Variants in PHF20 observed in about 807,000 individuals in gnomAD.
PHF20 encodes the protein PHD finger protein 20, also known as glioma-expressed antigen 2.
In PHF20, 23 loss-of-function variants were observed where a neutral mutation model predicts 113.5. The ratio of observed to expected loss-of-function variants is 0.20; its 90% confidence interval spans 0.15 to 0.29. PHF20 has a LOEUF of 0.29. Among genes scored for constraint, PHF20 ranks in the 10% least tolerant of loss-of-function variants. The probability of loss-of-function intolerance (pLI) is 1.00; values close to 1 mark genes in which losing one functional copy is unlikely to be tolerated. For synonymous variants in PHF20, 434 were observed against 457.3 expected, an observed-to-expected ratio of 0.95 and a Z score of 0.65; for missense variants, 943 against 1,219.6, an observed-to-expected ratio of 0.77 and a Z score of 3.38.
At chr20:35,829,200 G>A (rs1173849979) in intron 2 of PHF20, among the ~76,000 whole-genome samples, 1 of 152,148 alleles carries the variant, frequency 6.6e-6, no homozygotes, top group African/African-American at 2.4e-5. Context: ...AAGCAGCAGT[G>A]CTTTGTGTAT....
chr20:35,868,029 C>G (rs910966606), intron 6 of PHF20, among the ~76,000 whole-genome samples: 8 of 152,108 alleles, frequency 5.3e-5, no homozygotes, highest in African/African-American at 1.9e-4. Flanking sequence ...CATGGTGGCT[C>G]ACGCCTGTAA....
chr20:35,814,741 C>T (rs1343604546), intron 2 of PHF20, among the ~76,000 whole-genome samples: 1 of 146,964 alleles, frequency 6.8e-6, no homozygotes, highest in Non-Finnish European at 1.5e-5. Context: ...GGCGTAGTGG[C>T]GGGTGCCTGT....
chr20:35,800,940 C>T (rs2041769501), intron 1 of PHF20, among the ~76,000 whole-genome samples: 1 of 152,134 alleles, frequency 6.6e-6, no homozygotes, highest in African/African-American at 2.4e-5. Flanking sequence ...AACAACTTGG[C>T]TCTGCCTTCC....
At chr20:35,780,794 A>T (rs1330048993) in intron 1 of PHF20, among the ~76,000 whole-genome samples, 1 of 141,246 alleles carries the variant, frequency 7.1e-6, no homozygotes, top group Non-Finnish European at 1.5e-5. Context: ...ATGATCCACC[A>T]GCCTTGGCCT....
At chr20:35,928,023 T>C (rs2147108724) in intron 14 of PHF20, 144 bp downstream of exon 14, 1 of 666,338 alleles carries the variant, frequency 1.5e-6, no homozygotes, top group South Asian at 1.7e-5. Context: ...CCTCTGTTGC[T>C]ATCCTGCCTT....
chr20:35,884,691 C>T (rs924751018), intron 9 of PHF20, among the ~76,000 whole-genome samples: 11 of 151,990 alleles, frequency 7.2e-5, no homozygotes, highest in African/African-American at 2.7e-4. Context: ...AAAAGAATGA[C>T]AAAAAATAAT....
intron 9 of PHF20, among the ~76,000 whole-genome samples, chr20:35,896,175 T>G (rs894020493): frequency 2.0e-5 from 3 of 151,976 alleles, no homozygotes; most frequent in African/African-American, 7.3e-5. Flanking sequence ...CCAAACCTAA[T>G]TTTGAAGTGT....
intron 9 of PHF20, among the ~76,000 whole-genome samples, chr20:35,876,845 G>A (rs1457793849): frequency 6.6e-6 from 1 of 151,998 alleles, no homozygotes; most frequent in Non-Finnish European, 1.5e-5. Context: ...AGTGTCTCAT[G>A]CCTGTAATCC....
intron 1 of PHF20, among the ~76,000 whole-genome samples, chr20:35,772,515 A>C (rs1402006042): frequency 6.6e-6 from 1 of 152,126 alleles, no homozygotes; most frequent in East Asian, 1.9e-4. Context: ...GGCTTTTTTT[A>C]TCCTATTCTG....
intron 3 of PHF20, among the ~76,000 whole-genome samples, chr20:35,844,541 C>T (rs6142451): frequency 1.9e-5 from 2 of 103,992 alleles, no homozygotes; most frequent in African/African-American, 7.1e-5. Context: ...TCTTCACCAT[C>T]ACCACACACA....
chr20:35,937,250 C>T (rs758546771), intron 15 of PHF20, among the ~76,000 whole-genome samples: 13 of 152,064 alleles, frequency 8.5e-5, no homozygotes, highest in Non-Finnish European at 1.8e-4. Context: ...GGGCGGATCA[C>T]CTGAGGTTGG....
At chr20:35,870,009 A>T (rs2054389344) in intron 7 of PHF20, among the ~76,000 whole-genome samples, 1 of 152,032 alleles carries the variant, frequency 6.6e-6, no homozygotes, top group Non-Finnish European at 1.5e-5. Flanking sequence ...AAAATATAAA[A>T]ATTAGCCGGG....
At chr20:35,903,196 A>G (rs1370849788) in intron 10 of PHF20, among the ~76,000 whole-genome samples, 4 of 149,226 alleles carry the variant, frequency 2.7e-5, no homozygotes, top group Non-Finnish European at 5.9e-5. Context: ...ATCCTTTTCA[A>G]TGGGATTTGG....
At position 35,772,052 on chromosome 20, in the gene PHF20, A is replaced by G. The variant is rs1390590240; in HGVS notation, c.-60A>G. 5 of 151,282 alleles carry G rather than the reference A, an allele frequency of 3.3e-5. No individual in the cohort carries two copies. Among genetic ancestry groups the G allele is most frequent in the Non-Finnish European group, 5.9e-5 (4 of 67,840 alleles). 9.4% of individuals were successfully genotyped at this position (151,282 alleles called of 1,614,324 possible). A position where few individuals can be genotyped will look rare whatever the true frequency, so the allele number is the denominator to read the frequency against. Reference sequence around the variant, plus strand: ...GAGTCCTTCTGTCGGTTGGTCCTGGAGCGGCGCAGCCGGAGTGGGGCCGTG... The same window carrying G: ...GAGTCCTTCTGTCGGTTGGTCCTGGGGCGGCGCAGCCGGAGTGGGGCCGTG... On this transcript the variant is annotated 5_prime_UTR_variant, in exon 1 of 18. Transcript: ENST00000374012.
intron 13 of PHF20, among the ~76,000 whole-genome samples, chr20:35,925,799 A>G (rs528344446): frequency 1.3e-5 from 2 of 151,978 alleles, no homozygotes; most frequent in Admixed American, 1.3e-4. Context: ...ATTTAAAGGA[A>G]TAATGTGTTT....
intron 1 of PHF20, among the ~76,000 whole-genome samples, chr20:35,781,830 A>AC (rs2081140958): frequency 6.6e-6 from 1 of 152,184 alleles, no homozygotes; most frequent in Non-Finnish European, 1.5e-5. Flanking sequence ...CTGTGATCCC[A>AC]GCCACTAGGG....
At chr20:35,814,982 G>T (rs937562156) in intron 2 of PHF20, among the ~76,000 whole-genome samples, 2 of 151,874 alleles carry the variant, frequency 1.3e-5, no homozygotes, top group Non-Finnish European at 2.9e-5. Context: ...GATCACCTGA[G>T]GTCAGGAGTT....
intron 9 of PHF20, among the ~76,000 whole-genome samples, chr20:35,873,309 C>T (rs2054456381): frequency 6.6e-6 from 1 of 151,784 alleles, no homozygotes; most frequent in Non-Finnish European, 1.5e-5. Flanking sequence ...CCGTGTTGAC[C>T]AGGTTGGCCT....
At chr20:35,799,639 A>C (rs1289593606) in intron 1 of PHF20, among the ~76,000 whole-genome samples, 3 of 151,886 alleles carry the variant, frequency 2.0e-5, no homozygotes, top group Non-Finnish European at 4.4e-5. Flanking sequence ...TTAGTAGATT[A>C]ATTACCTCAG....
Sources: allele counts gnomAD v4.1 joint callset (sites outside exome capture counted in the v4.1 genomes callset), GRCh38; gene constraint gnomAD v4.1.1; transcripts MANE v1.5; gene names NCBI Gene and HGNC (gene_info 2026-07-23, HGNC 2026-07-21).